ASZ1: variants seen among roughly 807,000 people sequenced by gnomAD.
ASZ1 encodes ankyrin repeat, SAM and basic leucine zipper domain-containing protein 1.
Under a neutral mutation model 61.8 loss-of-function variants are expected in ASZ1, and 67 were observed. The ratio of observed to expected loss-of-function variants is 1.08; its 90% confidence interval spans 0.89 to 1.33. The LOEUF is 1.33. Among genes scored for constraint, ASZ1 ranks in the 40% most tolerant of loss-of-function variants. The pLI, the probability that ASZ1 is intolerant of heterozygous loss-of-function variation, is 0.00. For missense variants in ASZ1, 577 were observed against 554.5 expected, an observed-to-expected ratio of 1.04 and a Z score of -0.41; for synonymous variants, 193 against 192.7, an observed-to-expected ratio of 1.00 and a Z score of -0.01.
chr7:117,363,544 T>A lies in ASZ1; in HGVS notation c.*52A>T. 7.3e-7 allele frequency: 1 copy of A among 1,372,656 alleles called. No individual in the cohort carries two copies. The highest frequency in any genetic ancestry group is 2.5e-5 in the Admixed American group (1 of 40,128). The allele number at this position is 1,372,656 out of a possible 1,614,324, so 85.0% of individuals were successfully genotyped here. On this transcript the variant is annotated 3_prime_UTR_variant, in exon 13 of 13. Coordinates refer to ENST00000284629, the MANE Select transcript of ASZ1 (RefSeq NM_130768.3). ...GCTGCAAACAGTTAAAAGCAATGAT[T>A]TTTGGATGGTTCAATAAGATGTGTA...
intron 6 of ASZ1, 37 bp downstream of exon 6, chr7:117,384,689 G>A: frequency 6.4e-7 from 1 of 1,566,958 alleles, no homozygotes; most frequent in Non-Finnish European, 8.7e-7. Flanking sequence ...AATGTGATAT[G>A]CCACAGAAAA....
rs370966704 is a variant in ASZ1, at chr7:117,363,572, T to C, written c.*24A>G. On this transcript the variant is annotated 3_prime_UTR_variant, in exon 13 of 13. Coordinates refer to ENST00000284629, the MANE Select transcript of ASZ1 (RefSeq NM_130768.3). The stretch of plus-strand genomic sequence containing the variant: ...TGGATGGTTCAATAAGATGTGTATA[T>C]ATAACTTAAAACAAATATTTGGATT... The C allele has an allele frequency of 1.9e-6, 3 of 1,565,430 alleles. No homozygotes were observed. The highest frequency in any genetic ancestry group is 2.6e-6 in the Non-Finnish European group (3 of 1,152,908).
At chr7:117,366,511 G>A (rs559620525) in intron 12 of ASZ1, among the ~76,000 whole-genome samples, 17 of 152,010 alleles carry the variant, frequency 1.1e-4, no homozygotes, top group African/African-American at 3.6e-4. Context: ...TAAAGAGCTC[G>A]GAAGTGAGCT....
chr7:117,394,189 T>C (rs1796533441), intron 4 of ASZ1, among the ~76,000 whole-genome samples: 1 of 152,078 alleles, frequency 6.6e-6, no homozygotes, highest in Non-Finnish European at 1.5e-5. Context: ...ACTGCAGCCT[T>C]GACCTCCTGG....
At chr7:117,368,351 C>G (rs1335986500) in intron 11 of ASZ1, 1 of 1,099,436 alleles carries the variant, frequency 9.1e-7, no homozygotes, top group Non-Finnish European at 1.1e-6. Flanking sequence ...AAAAAGAACA[C>G]ATGGTAAATT....
At chr7:117,405,896 A>G (rs1043647732) in intron 4 of ASZ1, among the ~76,000 whole-genome samples, 3 of 152,208 alleles carry the variant, frequency 2.0e-5, no homozygotes, top group Non-Finnish European at 4.4e-5. Context: ...TTACTTAGCA[A>G]TCTCCACCTA....
chr7:117,418,582 G>A (rs1020246481), intron 4 of ASZ1, among the ~76,000 whole-genome samples: 1 of 152,000 alleles, frequency 6.6e-6, no homozygotes, highest in Admixed American at 6.6e-5. Context: ...GAACCCAGGA[G>A]GCAGAGGTTG....
chr7:117,417,145 TA>T (rs1430458788), intron 4 of ASZ1, among the ~76,000 whole-genome samples: 1 of 152,118 alleles, frequency 6.6e-6, no homozygotes, highest in Non-Finnish European at 1.5e-5. Flanking sequence ...ACTTTGTTAT[TA>T]ATTTCACTTC....
At chr7:117,396,831 A>G (rs894171589) in intron 4 of ASZ1, among the ~76,000 whole-genome samples, 13 of 152,228 alleles carry the variant, frequency 8.5e-5, no homozygotes, top group African/African-American at 3.1e-4. Flanking sequence ...TTTTGATAGT[A>G]TTAATGTAAT....
chr7:117,381,863 T>C lies in ASZ1; in HGVS notation c.888+206A>G, dbSNP rs529028004. Among the ~76,000 whole-genome samples, 7 of 152,310 alleles carry C rather than the reference T, an allele frequency of 4.6e-5. No homozygotes were observed. The East Asian group carries it at 5.8e-4, about 13-fold the overall frequency. Reference sequence around the variant, plus strand: ...TAGGCAGTGGGTAAAAACTGTTTAATCTCAGATTCTAATTTATGTAAATTT... The same window carrying C: ...TAGGCAGTGGGTAAAAACTGTTTAACCTCAGATTCTAATTTATGTAAATTT... On this transcript the variant is annotated intron_variant, in intron 8 of 12. Coordinates refer to ENST00000284629, the MANE Select transcript of ASZ1 (RefSeq NM_130768.3).
rs1161457624 is a variant in ASZ1 at position 117,379,168 on chromosome 7, T to TATACAC, written c.1055+769_1055+770insGTGTAT. On this transcript the variant is annotated intron_variant, in intron 10 of 12. Coordinates refer to ENST00000284629, the MANE Select transcript of ASZ1 (RefSeq NM_130768.3). Reference sequence around the variant, plus strand: ...ATATATATATATATATATATATATATACACACACACACACACACACACACA... The same window carrying TATACAC: ...ATATATATATATATATATATATATATATACACACACACACACACACACACACACACA... Among the ~76,000 whole-genome samples, 502 of 69,536 alleles carry TATACAC rather than the reference T, an allele frequency of 7.2e-3. 2 individuals carry two copies. Among genetic ancestry groups the TATACAC allele is most frequent in the African/African-American group, 8.5e-3 (155 of 18,250 alleles). The allele number at this position is 69,536 out of a possible 152,430, so 45.6% of individuals were successfully genotyped here.
chr7:117,416,544 C>CT (rs1796995710), intron 4 of ASZ1, among the ~76,000 whole-genome samples: 1 of 152,128 alleles, frequency 6.6e-6, no homozygotes, highest in South Asian at 2.1e-4. Flanking sequence ...CAAAAATACT[C>CT]TATAATTCTA....
chr7:117,369,078 T>A (rs1267138346), intron 10 of ASZ1, among the ~76,000 whole-genome samples: 2 of 152,186 alleles, frequency 1.3e-5, no homozygotes, highest in Non-Finnish European at 2.9e-5. Context: ...ACAACCCCTA[T>A]AGGATAGATG....
At chr7:117,414,714 ATGAG>A (rs1234036264) in intron 4 of ASZ1, among the ~76,000 whole-genome samples, 1 of 152,058 alleles carries the variant, frequency 6.6e-6, no homozygotes, top group Admixed American at 6.5e-5. Context: ...ACTCCCACTC[ATGAG>A]TGAGAACATG....
At chr7:117,380,609 A>G (rs1796231998) in intron 9 of ASZ1, among the ~76,000 whole-genome samples, 1 of 151,696 alleles carries the variant, frequency 6.6e-6, no homozygotes, top group African/African-American at 2.4e-5. Flanking sequence ...TTATTAGATA[A>G]TACTAGATGG....
At chr7:117,426,727 A>G in intron 2 of ASZ1, 109 bp downstream of exon 2, 1 of 967,680 alleles carries the variant, frequency 1.0e-6, no homozygotes, top group Non-Finnish European at 1.5e-6. Context: ...ATGATACATT[A>G]ACATTTGTTG....
At chr7:117,381,099 ATATAATTAAAATAG>A in intron 8 of ASZ1, 32 bp from the exon 9 acceptor site, 3 of 1,506,564 alleles carry the variant, frequency 2.0e-6, no homozygotes, top group Non-Finnish European at 2.7e-6. Context: ...CCACCTTTCC[ATATAATTAAAATAG>A]TAGAAGGAGA....
At chr7:117,416,471 A>C (rs1324169012) in intron 4 of ASZ1, among the ~76,000 whole-genome samples, 1 of 152,232 alleles carries the variant, frequency 6.6e-6, no homozygotes, top group African/African-American at 2.4e-5. Flanking sequence ...AGAAAATAGC[A>C]AACTACTAAT....
chr7:117,421,418 T>A (rs931902253), intron 3 of ASZ1, among the ~76,000 whole-genome samples: 1 of 152,162 alleles, frequency 6.6e-6, no homozygotes, highest in Non-Finnish European at 1.5e-5. Flanking sequence ...TCTCACTATG[T>A]TGTCCAGGCT....
Sources: allele counts gnomAD v4.1 joint callset (sites outside exome capture counted in the v4.1 genomes callset), GRCh38; gene constraint gnomAD v4.1.1; transcripts MANE v1.5; gene names NCBI Gene and HGNC (gene_info 2026-07-23, HGNC 2026-07-21).